FER: variants seen among roughly 807,000 people sequenced by gnomAD.
FER encodes tyrosine-protein kinase Fer.
Under a neutral mutation model 111.0 loss-of-function variants are expected in FER, and 63 were observed. The ratio of observed to expected loss-of-function variants is 0.57; its 90% CI spans 0.46 to 0.70. FER has a LOEUF of 0.70. Among genes scored for constraint, FER ranks in the 30% least tolerant of loss-of-function variants. FER has a pLI of 0.00. For synonymous variants in FER, 327 were observed against 313.9 expected (o/e 1.04, Z -0.44); for missense variants, 914 against 954.0 (o/e 0.96, Z 0.55).
At chr5:109,066,643 C>T (rs1253794854) in intron 16 of FER, among the ~76,000 whole-genome samples, 1 of 152,122 alleles carries the variant, frequency 6.6e-6, no homozygotes, top group East Asian at 1.9e-4. Flanking sequence ...AATGTGTCAT[C>T]CTGTATTTAA....
chr5:108,785,799 A>T (rs540087753), intron 2 of FER, among the ~76,000 whole-genome samples: 13 of 152,262 alleles, frequency 8.5e-5, no homozygotes, highest in African/African-American at 3.1e-4. Flanking sequence ...GGCTGGGAAA[A>T]ACCAGGTCTG....
chr5:109,059,167 A>C (rs546922579), intron 16 of FER, among the ~76,000 whole-genome samples: 133 of 152,282 alleles, frequency 8.7e-4, no homozygotes, highest in Non-Finnish European at 1.1e-3. Flanking sequence ...GCAGATGTAC[A>C]TCTCAGAATT....
At chr5:108,795,331 C>T (rs1208273719) in intron 2 of FER, among the ~76,000 whole-genome samples, 2 of 151,324 alleles carry the variant, frequency 1.3e-5, no homozygotes, top group Admixed American at 1.3e-4. Flanking sequence ...AAAAGAAAAA[C>T]TTTCCCCTTT....
At chr5:108,992,101 G>A (rs1209811647) in intron 13 of FER, among the ~76,000 whole-genome samples, 1 of 151,980 alleles carries the variant, frequency 6.6e-6, no homozygotes, top group Non-Finnish European at 1.5e-5. Flanking sequence ...CTGCCTTCAA[G>A]CATCTGTTTA....
intron 17 of FER, among the ~76,000 whole-genome samples, chr5:109,167,572 T>C (rs560616474): frequency 2.0e-5 from 3 of 152,330 alleles, no homozygotes; most frequent in Non-Finnish European, 4.4e-5. Context: ...TTCATTACCA[T>C]TTGTGCCAAA....
chr5:108,985,044 GATA>G (rs1395596366), intron 13 of FER, among the ~76,000 whole-genome samples: 9 of 151,918 alleles, frequency 5.9e-5, no homozygotes, highest in African/African-American at 1.9e-4. Flanking sequence ...ATAATTCCAA[GATA>G]ATAAGACAAA....
intron 13 of FER, among the ~76,000 whole-genome samples, chr5:108,973,719 C>G (rs2149704244): frequency 6.6e-6 from 1 of 152,256 alleles, no homozygotes; most frequent in South Asian, 2.1e-4. Flanking sequence ...CACACCATAG[C>G]TCTCATTGTT....
intron 16 of FER, among the ~76,000 whole-genome samples, chr5:109,056,659 C>T (rs1773688126): frequency 6.6e-6 from 1 of 152,082 alleles, no homozygotes; most frequent in Non-Finnish European, 1.5e-5. Flanking sequence ...AACATGTGAA[C>T]TATAGGTAAT....
chr5:108,902,437 G>A (rs919238879), intron 10 of FER, among the ~76,000 whole-genome samples: 4 of 152,178 alleles, frequency 2.6e-5, no homozygotes, highest in Non-Finnish European at 5.9e-5. Flanking sequence ...AGTGTACCAT[G>A]GAGAAGTGAG....
chr5:108,913,377 A>G (rs746607508), intron 10 of FER, among the ~76,000 whole-genome samples: 18 of 152,342 alleles, frequency 1.2e-4, no homozygotes, highest in Non-Finnish European at 2.4e-4. Context: ...AAGCTAATGT[A>G]TAGGGGTAAA....
rs561250755 is a variant in FER, at chr5:108,789,729, A to G, written c.-59-8395A>G. 1.2e-3 allele frequency among the ~76,000 whole-genome samples: 179 copies of G among 152,046 alleles called. 3 individuals carry two copies. The South Asian group carries it at 0.033, about 28-fold the overall frequency. On this transcript the variant is annotated intron_variant, in intron 2 of 19. Coordinates refer to ENST00000281092, the MANE Select transcript of FER (RefSeq NM_005246.4). ...GTGATTCTTGTGTCTCAGACTCCCA[A>G]GTAGCTAGGACTACAGGTGCACGCC... is the stretch of plus-strand genomic sequence containing the variant.
intron 16 of FER, among the ~76,000 whole-genome samples, chr5:109,053,983 G>T (rs148338496): frequency 3.3e-5 from 5 of 151,964 alleles, no homozygotes; most frequent in Non-Finnish European, 7.4e-5. Context: ...GAGCCACTGC[G>T]CCCGGCCTGG....
intron 1 of FER, among the ~76,000 whole-genome samples, chr5:108,760,446 C>T (rs1469285481): frequency 6.6e-6 from 1 of 152,148 alleles, no homozygotes. Flanking sequence ...ATGAAAGTCC[C>T]AGATGACATT....
chr5:109,035,973 G>T (rs1770335744), intron 13 of FER, among the ~76,000 whole-genome samples: 1 of 152,072 alleles, frequency 6.6e-6, no homozygotes, highest in African/African-American at 2.4e-5. Context: ...TTCTGAACTT[G>T]TTTTACACAA....
chr5:108,790,852 T>C (rs1204346921), intron 2 of FER, among the ~76,000 whole-genome samples: 4 of 152,220 alleles, frequency 2.6e-5, no homozygotes, highest in Non-Finnish European at 5.9e-5. Flanking sequence ...AGTAATCTAG[T>C]TTATAGATTT....
At chr5:109,126,120 G>A (rs1751686557) in intron 17 of FER, among the ~76,000 whole-genome samples, 1 of 151,972 alleles carries the variant, frequency 6.6e-6, no homozygotes, top group Non-Finnish European at 1.5e-5. Flanking sequence ...AGAATTATGT[G>A]CTTGGAAATA....
At chr5:109,061,074 C>T (rs1026999620) in intron 16 of FER, among the ~76,000 whole-genome samples, 1 of 152,082 alleles carries the variant, frequency 6.6e-6, no homozygotes, top group Non-Finnish European at 1.5e-5. Flanking sequence ...CAGTTCTTCC[C>T]TTTTACCATC....
intron 6 of FER, 71 bp from the exon 7 acceptor site, chr5:108,871,294 G>T: frequency 7.8e-7 from 1 of 1,281,304 alleles, no homozygotes. Flanking sequence ...TTATTGTTCT[G>T]AATCCTTTTT....
chr5:109,041,457 C>CAA (rs34499703), intron 14 of FER, among the ~76,000 whole-genome samples: 1 of 139,408 alleles, frequency 7.2e-6, no homozygotes. Context: ...GATAAGTATT[C>CAA]AAAAAAAAAA....
Sources: allele counts gnomAD v4.1 joint callset (sites outside exome capture counted in the v4.1 genomes callset), GRCh38; gene constraint gnomAD v4.1.1; transcripts MANE v1.5; gene names NCBI Gene and HGNC (gene_info 2026-07-23, HGNC 2026-07-21).